The following TMLHE variants were observed in gnomAD, a reference collection of about 807,000 sequenced individuals.
The protein encoded by TMLHE is trimethyllysine hydroxylase, epsilon.
TMLHE carries 18 observed loss-of-function variants against 25.7 expected under a neutral mutation model. That is an observed-to-expected ratio of 0.70 (90% confidence interval 0.48 to 1.04). The LOEUF is 1.04. Ranked by LOEUF, TMLHE falls within the 50% of genes least tolerant of loss-of-function variation. The pLI, the probability that TMLHE is intolerant of heterozygous loss-of-function variation, is 0.00. For synonymous variants in TMLHE, 105 were observed against 97.0 expected (o/e 1.08, Z -0.49); for missense variants, 236 against 259.0 (o/e 0.91, Z 0.61).
chrX:155,588,278 CT>C (rs2067676280), intron 1 of TMLHE, among the ~76,000 whole-genome samples: 1 of 111,772 alleles, frequency 8.9e-6, no homozygotes. Flanking sequence ...ATAGATGATT[CT>C]GAGAAAATGG....
chrX:155,512,245 C>T (rs1012726413), intron 4 of TMLHE, among the ~76,000 whole-genome samples: 51 of 108,852 alleles, frequency 4.7e-4, no homozygotes, highest in Non-Finnish European at 8.0e-4. Flanking sequence ...TATACATGTG[C>T]CATGCTGGTG....
chrX:155,514,725 A>G (rs1257220341), intron 3 of TMLHE, among the ~76,000 whole-genome samples: 1 of 111,346 alleles, frequency 9.0e-6, no homozygotes, highest in African/African-American at 3.3e-5. Context: ...AGATCACACA[A>G]CTAAGTACTA....
chrX:155,548,759 G>C (rs782657166), intron 1 of TMLHE, among the ~76,000 whole-genome samples: 3 of 109,408 alleles, frequency 2.7e-5, no homozygotes, highest in Non-Finnish European at 5.7e-5. Context: ...CATCCTACAA[G>C]TCAATAGGAA....
intron 1 of TMLHE, among the ~76,000 whole-genome samples, chrX:155,549,726 T>C (rs782809726): frequency 5.4e-5 from 6 of 110,193 alleles, no homozygotes; most frequent in Non-Finnish European, 9.4e-5. Context: ...ATCAGATTTA[T>C]GCTGGGTTTT....
At chrX:155,547,335 G>A (rs1557338903) in intron 1 of TMLHE, among the ~76,000 whole-genome samples, 1 of 106,566 alleles carries the variant, frequency 9.4e-6, no homozygotes. Context: ...TAGTAGAGAC[G>A]GGGTTTCACC....
chrX:155,525,329 G>T (rs782175572), intron 2 of TMLHE, among the ~76,000 whole-genome samples: 14 of 111,790 alleles, frequency 1.3e-4, no homozygotes, highest in Non-Finnish European at 2.3e-4. Context: ...CCATGGTAAG[G>T]TGTGCTTGCT....
intron 1 of TMLHE, among the ~76,000 whole-genome samples, chrX:155,560,146 TA>T (rs1293295950): frequency 3.6e-5 from 4 of 112,204 alleles, no homozygotes. Flanking sequence ...GGGCGTTACA[TA>T]ATCTATCTTG....
rs782280101 is a variant in TMLHE at position 155,511,672 on chromosome X, C to G, written c.758+1G>C. The G allele has an allele frequency of 2.4e-5, 29 of 1,192,529 alleles. No homozygotes were observed. The South Asian group carries it at 5.4e-4, about 22-fold the overall frequency. On this transcript the variant is annotated splice_donor_variant, in intron 5 of 7. Transcript: ENST00000334398. LOFTEE classifies it high-confidence loss of function. Reference sequence around the variant, plus strand: ...ACACTGTAAAAGTCTAATCCACCTACCCACAGGGCTCTTGAAAATAGGTAG... The same window carrying G: ...ACACTGTAAAAGTCTAATCCACCTAGCCACAGGGCTCTTGAAAATAGGTAG...
rs1296270403 is a variant in TMLHE at position 155,589,000 on chromosome X, CAA to C, written c.-2+23790_-2+23791del. ...GTACTGGGTATTTATCTAAAGGAAACAAAATCTGTATATCAAAAGAATACCTG... is the reference window on the plus strand; with the variant it reads ...GTACTGGGTATTTATCTAAAGGAAACAATCTGTATATCAAAAGAATACCTG... On this transcript the variant is annotated intron_variant, in intron 1 of 7. Transcript: ENST00000334398. Among the ~76,000 whole-genome samples, 8 of 111,780 alleles carry C rather than the reference CAA, an allele frequency of 7.2e-5. No homozygotes were observed. The East Asian group carries it at 2.2e-3, about 31-fold the overall frequency.
chrX:155,548,544 A>G lies in TMLHE; in HGVS notation c.-1-3267T>C, dbSNP rs377195826. 9.9e-4 allele frequency among the ~76,000 whole-genome samples: 108 copies of G among 108,717 alleles called. 3 individuals carry two copies. Among genetic ancestry groups the G allele is most frequent in the African/African-American group, 1.3e-3 (39 of 29,488 alleles). The allele number at this position is 108,717 out of a possible 115,157, so 94.4% of individuals were successfully genotyped here. On this transcript the variant is annotated intron_variant, in intron 1 of 7. Transcript: ENST00000334398. ...AGGTCAGCAGTATGAGGCCAGCCTG[A>G]CTAACATGGTGAAACCCTGTCTCTA...
intron 1 of TMLHE, among the ~76,000 whole-genome samples, chrX:155,581,928 A>G (rs1488089077): frequency 8.9e-6 from 1 of 112,193 alleles, no homozygotes; most frequent in East Asian, 2.8e-4. Context: ...AAACTATACT[A>G]CAAGACTACA....
intron 1 of TMLHE, among the ~76,000 whole-genome samples, chrX:155,594,617 C>CT (rs2067711207): frequency 9.0e-6 from 1 of 111,162 alleles, no homozygotes; most frequent in Admixed American, 9.5e-5. Context: ...GCAATTTTAC[C>CT]TCAAGTACAA....
intron 3 of TMLHE, among the ~76,000 whole-genome samples, chrX:155,521,817 G>A (rs375153549): frequency 1.3e-5 from 1 of 75,781 alleles, no homozygotes; most frequent in African/African-American, 5.0e-5. Context: ...TCTTTGACTC[G>A]GAAAGGGAAC....
intron 1 of TMLHE, among the ~76,000 whole-genome samples, chrX:155,608,111 A>C (rs1557348017): frequency 8.9e-6 from 1 of 112,265 alleles, no homozygotes; most frequent in Non-Finnish European, 1.9e-5. Flanking sequence ...AAGAAATCTT[A>C]AGCAAAAATA....
At chrX:155,512,206 G>A (rs1179059061) in intron 4 of TMLHE, among the ~76,000 whole-genome samples, 6 of 109,758 alleles carry the variant, frequency 5.5e-5, no homozygotes, top group African/African-American at 1.0e-4. Flanking sequence ...TAGGGTACAT[G>A]TGCACAATGT....
At chrX:155,612,117 C>A (rs2067826578) in intron 1 of TMLHE, 1 of 111,906 alleles carries the variant, frequency 8.9e-6, no homozygotes, top group Non-Finnish European at 1.9e-5. Flanking sequence ...CATTCACAAA[C>A]CCATTCTTCA....
At chrX:155,604,471 C>T (rs1365617779) in intron 1 of TMLHE, among the ~76,000 whole-genome samples, 1 of 111,692 alleles carries the variant, frequency 9.0e-6, no homozygotes, top group East Asian at 2.8e-4. Context: ...AGTAGTTCTG[C>T]ATTTCTCTGG....
intron 1 of TMLHE, among the ~76,000 whole-genome samples, chrX:155,554,416 T>C (rs781986611): frequency 1.1e-4 from 12 of 111,230 alleles, no homozygotes; most frequent in Non-Finnish European, 1.9e-5. Flanking sequence ...GATAAAATTT[T>C]AGGTTGACAG....
intron 1 of TMLHE, among the ~76,000 whole-genome samples, chrX:155,574,878 A>C (rs1557343643): frequency 1.8e-5 from 2 of 112,110 alleles, no homozygotes; most frequent in Admixed American, 1.9e-4. Context: ...CAACAAGCTT[A>C]AAGATAGATT....
Sources: allele counts gnomAD v4.1 joint callset (sites outside exome capture counted in the v4.1 genomes callset), GRCh38; gene constraint gnomAD v4.1.1; transcripts MANE v1.5; gene names NCBI Gene and HGNC (gene_info 2026-07-23, HGNC 2026-07-21).